Variants in EFCAB8 observed in about 807,000 individuals in gnomAD.
EFCAB8 encodes the protein EF-hand calcium binding domain 8, also known as EF-hand calcium-binding domain-containing protein 8.
EFCAB8 carries 100 observed loss-of-function variants against 116.3 expected under a neutral mutation model. The ratio of observed to expected loss-of-function variants is 0.86; its 90% CI spans 0.73 to 1.02. The LOEUF (loss-of-function observed/expected upper bound fraction) is 1.02. Ranked by LOEUF, EFCAB8 falls within the 50% of genes least tolerant of loss-of-function variation. The probability of loss-of-function intolerance (pLI) is 0.00; values close to 1 mark genes in which losing one functional copy is unlikely to be tolerated. For missense variants in EFCAB8, 1,320 were observed against 1,416.9 expected, an observed-to-expected ratio of 0.93 and a Z score of 1.10; for synonymous variants, 558 against 567.9, an observed-to-expected ratio of 0.98 and a Z score of 0.25.
chr20:32,899,232 T>C (rs1384892900), intron 11 of EFCAB8, among the ~76,000 whole-genome samples: 1 of 86,366 alleles, frequency 1.2e-5, no homozygotes, highest in Non-Finnish European at 2.7e-5. Flanking sequence ...AAAAATACAA[T>C]AATAATAATA....
intron 3 of EFCAB8, 89 bp from the exon 4 acceptor site, chr20:32,875,837 C>T: frequency 8.4e-7 from 1 of 1,194,334 alleles, no homozygotes; most frequent in Non-Finnish European, 1.2e-6. Flanking sequence ...GTGTCCCCCT[C>T]AGCACCCAGA....
rs1432050228 is a variant in EFCAB8, at chr20:32,893,211, G to A, written c.796G>A (p.Ala266Thr). The change falls in exon 9 of 27, where the codon GCC becomes ACC. Residue 266 changes from alanine to threonine, a missense_variant. Transcript: ENST00000400522. ...YHRGVFCYGDAKGNVIVFTSE... is the reference protein window; with the variant it reads ...YHRGVFCYGDTKGNVIVFTSE... ...CAGAGGTGTGTTCTGCTATGGAGAC[G>A]CCAAAGGCAACGTCATTGTCTTCAC... 11 of 1,551,978 alleles carry A rather than the reference G, an allele frequency of 7.1e-6. No homozygotes were observed. The East Asian group carries it at 9.8e-5, about 14-fold the overall frequency.
chr20:32,900,725 C>G (rs151010210), intron 11 of EFCAB8, among the ~76,000 whole-genome samples: 2 of 152,144 alleles, frequency 1.3e-5, no homozygotes, highest in Non-Finnish European at 2.9e-5. Context: ...CGCCACCATG[C>G]CCGGTTAATT....
chr20:32,942,979 A>G (rs537833807), intron 22 of EFCAB8, among the ~76,000 whole-genome samples: 1 of 152,136 alleles, frequency 6.6e-6, no homozygotes, highest in Non-Finnish European at 1.5e-5. Context: ...TAAAATTTAA[A>G]GTTTATTATT....
chr20:32,931,031 C>T lies in EFCAB8; in HGVS notation c.2632-147C>T, dbSNP rs1600441863. The T allele has an allele frequency of 4.4e-6, 3 of 688,556 alleles. No individual in the cohort carries two copies. The East Asian group carries it at 8.3e-5, about 19-fold the overall frequency. 42.7% of individuals were successfully genotyped at this position (688,556 alleles called of 1,614,324 possible). ...AGAAGATCCCTAAGGCCCTTTCTGGCCCTAGTGGTGAGGTATCTCAGAGAT... is the reference window on the plus strand; with the variant it reads ...AGAAGATCCCTAAGGCCCTTTCTGGTCCTAGTGGTGAGGTATCTCAGAGAT... On this transcript the variant is annotated intron_variant, in intron 21 of 26. Transcript: ENST00000400522.
intron 20 of EFCAB8, among the ~76,000 whole-genome samples, chr20:32,921,119 C>T (rs1416452760): frequency 6.6e-6 from 1 of 152,158 alleles, no homozygotes; most frequent in Non-Finnish European, 1.5e-5. Context: ...GGGCAGTGCC[C>T]TGAGAGCTGG....
intron 11 of EFCAB8, among the ~76,000 whole-genome samples, chr20:32,901,975 C>T (rs1261179254): frequency 2.0e-5 from 3 of 152,146 alleles, no homozygotes; most frequent in Non-Finnish European, 2.9e-5. Context: ...CGTGAGCCAC[C>T]GCTCCTGGCC....
chr20:32,878,027 C>T (rs1430892214), intron 4 of EFCAB8, among the ~76,000 whole-genome samples: 1 of 152,128 alleles, frequency 6.6e-6, no homozygotes, highest in Non-Finnish European at 1.5e-5. Flanking sequence ...CACCTTTAAT[C>T]CTAGAACTTT....
At chr20:32,930,261 G>T in intron 20 of EFCAB8, 137 bp from the exon 21 acceptor site, 3 of 680,928 alleles carry the variant, frequency 4.4e-6, no homozygotes, top group Non-Finnish European at 7.4e-6. Context: ...GAGGAAGGGT[G>T]GGACCACCAT....
chr20:32,874,984 G>C (rs1293311445), intron 3 of EFCAB8, among the ~76,000 whole-genome samples: 2 of 151,716 alleles, frequency 1.3e-5, no homozygotes, highest in Non-Finnish European at 2.9e-5. Flanking sequence ...CCTAGCCTCA[G>C]GTGATCTTCC....
At chr20:32,901,508 CAG>C (rs1986425232) in intron 11 of EFCAB8, among the ~76,000 whole-genome samples, 2 of 145,854 alleles carry the variant, frequency 1.4e-5, no homozygotes, top group Middle Eastern at 3.4e-3. Context: ...AGGAGGATAT[CAG>C]GGGGTCACCT....
At chr20:32,890,623 A>G (rs1414156877) in intron 7 of EFCAB8, among the ~76,000 whole-genome samples, 1 of 152,222 alleles carries the variant, frequency 6.6e-6, no homozygotes, top group Non-Finnish European at 1.5e-5. Flanking sequence ...TAAGGTGGTC[A>G]GGGAGAGGGA....
At chr20:32,947,896 T>G (rs1458756144) in intron 23 of EFCAB8, among the ~76,000 whole-genome samples, 2 of 126,948 alleles carry the variant, frequency 1.6e-5, no homozygotes, top group African/African-American at 3.1e-5. Flanking sequence ...CAAGACCCCA[T>G]CTCAATTAAA....
Position 32,961,634 on chromosome 20 carries a change from C to T in EFCAB8, c.*25C>T, listed in dbSNP as rs887257625. 5 of 1,251,824 alleles carry T rather than the reference C, an allele frequency of 4.0e-6. No individual in the cohort carries two copies. The highest frequency in any genetic ancestry group is 1.5e-5 in the African/African-American group (1 of 65,604). 77.5% of individuals were successfully genotyped at this position (1,251,824 alleles called of 1,614,324 possible). ...AGGTGCTCCGCTGTCTTCTCTAGTC[C>T]TCCAGCAGGGCAACCAGGCCCATGG... On this transcript the variant is annotated 3_prime_UTR_variant, in exon 27 of 27. Coordinates refer to ENST00000400522, the MANE Select transcript of EFCAB8 (RefSeq NM_001143967.2).
At chr20:32,905,150 C>T (rs1382512247) in intron 11 of EFCAB8, among the ~76,000 whole-genome samples, 1 of 152,182 alleles carries the variant, frequency 6.6e-6, no homozygotes. Flanking sequence ...AGCTTCCTGC[C>T]ACCTCCTGCC....
intron 11 of EFCAB8, among the ~76,000 whole-genome samples, chr20:32,905,654 G>A (rs1375877651): frequency 1.3e-5 from 2 of 151,014 alleles, no homozygotes; most frequent in Non-Finnish European, 2.9e-5. Context: ...CAGCTACTCT[G>A]GAGGCTGAAG....
intron 11 of EFCAB8, chr20:32,903,533 T>C (rs1241130260): frequency 1.3e-5 from 2 of 152,258 alleles, no homozygotes; most frequent in African/African-American, 4.8e-5. Context: ...AAATCTTTGT[T>C]GATCAATACG....
chr20:32,893,336 CATGGCCTAGA>C, intron 9 of EFCAB8, 38 bp downstream of exon 9: 1 of 1,550,902 alleles, frequency 6.4e-7, no homozygotes, highest in Non-Finnish European at 8.7e-7. Flanking sequence ...GAGGCCTGGG[CATGGCCTAGA>C]TGTGGGTGCT....
At chr20:32,882,330 G>A (rs1347573680) in intron 5 of EFCAB8, among the ~76,000 whole-genome samples, 1 of 152,152 alleles carries the variant, frequency 6.6e-6, no homozygotes, top group Non-Finnish European at 1.5e-5. Context: ...TGTAAACCCA[G>A]CATTTCCTCG....
Sources: allele counts gnomAD v4.1 joint callset (sites outside exome capture counted in the v4.1 genomes callset), GRCh38; gene constraint gnomAD v4.1.1; transcripts MANE v1.5; gene names NCBI Gene and HGNC (gene_info 2026-07-23, HGNC 2026-07-21).